Variants in UBE2E2 observed in about 807,000 individuals in gnomAD.
The protein encoded by UBE2E2 is ubiquitin conjugating enzyme E2 E2, also known as ubiquitin-conjugating enzyme E2 E2.
Under a neutral mutation model 24.7 loss-of-function variants are expected in UBE2E2, and 6 were observed. The ratio of observed to expected loss-of-function variants is 0.24; its 90% CI spans 0.13 to 0.48. The LOEUF (loss-of-function observed/expected upper bound fraction) is 0.48, where lower values mean the gene tolerates loss of function less well. Among genes scored for constraint, UBE2E2 ranks in the 20% least tolerant of loss-of-function variants. The pLI, the probability that UBE2E2 is intolerant of heterozygous loss-of-function variation, is 0.99. For synonymous variants in UBE2E2, 104 were observed against 83.6 expected, an observed-to-expected ratio of 1.24 and a Z score of -1.33; for missense variants, 169 against 245.0, an observed-to-expected ratio of 0.69 and a Z score of 2.07.
chr3:23,286,225 G>A (rs1698611870), intron 3 of UBE2E2, among the ~76,000 whole-genome samples: 1 of 151,992 alleles, frequency 6.6e-6, no homozygotes, highest in Non-Finnish European at 1.5e-5. Context: ...ATGCTTTCTG[G>A]GTATTACTCA....
At chr3:23,374,253 A>G (rs1389092617) in intron 3 of UBE2E2, among the ~76,000 whole-genome samples, 2 of 152,234 alleles carry the variant, frequency 1.3e-5, no homozygotes, top group Non-Finnish European at 2.9e-5. Flanking sequence ...TTTTAAAATC[A>G]TGTTAAATGT....
chr3:23,554,262 C>T (rs1242662843), intron 5 of UBE2E2, among the ~76,000 whole-genome samples: 3 of 152,094 alleles, frequency 2.0e-5, no homozygotes, highest in Non-Finnish European at 2.9e-5. Context: ...ATATGGGCAA[C>T]TAATTTTCAA....
chr3:23,544,256 C>G (rs1479770818), intron 5 of UBE2E2, among the ~76,000 whole-genome samples: 1 of 152,146 alleles, frequency 6.6e-6, no homozygotes, highest in Non-Finnish European at 1.5e-5. Context: ...AAATAATCCT[C>G]AGAGTAAACA....
At chr3:23,239,458 G>A (rs559357266) in intron 3 of UBE2E2, among the ~76,000 whole-genome samples, 6 of 151,752 alleles carry the variant, frequency 4.0e-5, no homozygotes, top group African/African-American at 1.5e-4. Context: ...CCAGCTTCTG[G>A]CAACCACGAA....
chr3:23,369,009 C>T (rs146757201), intron 3 of UBE2E2, among the ~76,000 whole-genome samples: 70 of 152,150 alleles, frequency 4.6e-4, no homozygotes, highest in African/African-American at 1.4e-3. Context: ...TTGAAATGAA[C>T]GAAATTTAGA....
At chr3:23,341,945 T>C (rs949197949) in intron 3 of UBE2E2, among the ~76,000 whole-genome samples, 2 of 152,194 alleles carry the variant, frequency 1.3e-5, no homozygotes, top group African/African-American at 2.4e-5. Context: ...TATGTATACA[T>C]AGTTCCATAT....
intron 3 of UBE2E2, among the ~76,000 whole-genome samples, chr3:23,495,084 C>T (rs1699574712): frequency 6.6e-6 from 1 of 152,150 alleles, no homozygotes; most frequent in African/African-American, 2.4e-5. Flanking sequence ...AAATACCAGT[C>T]TGTTTTCAAG....
At chr3:23,246,005 A>G (rs1697384611) in intron 3 of UBE2E2, among the ~76,000 whole-genome samples, 1 of 152,336 alleles carries the variant, frequency 6.6e-6, no homozygotes, top group Non-Finnish European at 1.5e-5. Context: ...ATAGCTACCC[A>G]TAAGTTGTTG....
intron 3 of UBE2E2, among the ~76,000 whole-genome samples, chr3:23,218,106 G>A (rs1175198447): frequency 6.6e-6 from 1 of 151,976 alleles, no homozygotes; most frequent in African/African-American, 2.4e-5. Context: ...GAAGGTGAGA[G>A]GGCCGATTAA....
At chr3:23,579,175 G>A (rs1696411432) in intron 5 of UBE2E2, among the ~76,000 whole-genome samples, 1 of 152,196 alleles carries the variant, frequency 6.6e-6, no homozygotes, top group Admixed American at 6.5e-5. Flanking sequence ...GGTGGATCAT[G>A]AGGTCAGGAG....
chr3:23,486,575 CCCA>C (rs2125446101), intron 3 of UBE2E2, among the ~76,000 whole-genome samples: 1 of 152,232 alleles, frequency 6.6e-6, no homozygotes, highest in East Asian at 1.9e-4. Context: ...CTGACCTGAC[CCCA>C]CCACTGCAGG....
chr3:23,346,103 G>A (rs536782987), intron 3 of UBE2E2, among the ~76,000 whole-genome samples: 9 of 152,098 alleles, frequency 5.9e-5, no homozygotes, highest in African/African-American at 1.4e-4. Context: ...TCTAGTTTTC[G>A]CCTTTCTTAA....
intron 4 of UBE2E2, among the ~76,000 whole-genome samples, chr3:23,505,368 A>C (rs1344146232): frequency 6.6e-6 from 1 of 152,172 alleles, no homozygotes; most frequent in Non-Finnish European, 1.5e-5. Flanking sequence ...TACATGACAT[A>C]AAAAATAAGT....
rs5847239 is a variant in UBE2E2 at position 23,556,454 on chromosome 3, T to TAA, written c.508+23770_508+23771dup. 3.3e-3 allele frequency among the ~76,000 whole-genome samples: 309 copies of TAA among 94,334 alleles called. 12 individuals are homozygous for TAA. The highest frequency in any genetic ancestry group is 0.013 in the African/African-American group (289 of 22,202). The allele number at this position is 94,334 out of a possible 152,430, so 61.9% of individuals were successfully genotyped here. On this transcript the variant is annotated intron_variant, in intron 5 of 5. Coordinates refer to ENST00000396703, the MANE Select transcript of UBE2E2 (RefSeq NM_152653.4). The stretch of plus-strand genomic sequence containing the variant: ...CCATGCCCAGCCAATAAAATTTATT[T>TAA]AAAAAAAAAAAAAAAAAAGCTATAC...
At chr3:23,206,576 G>A (rs1696153077) in intron 1 of UBE2E2, among the ~76,000 whole-genome samples, 1 of 152,082 alleles carries the variant, frequency 6.6e-6, no homozygotes, top group African/African-American at 2.4e-5. Flanking sequence ...GGAGCTGTTG[G>A]GGTTGAAGGG....
Position 23,217,252 on chromosome 3 carries a change from T to G in UBE2E2, c.177-10T>G. On this transcript the variant is annotated splice_polypyrimidine_tract_variant and intron_variant, in intron 2 of 5. Coordinates refer to ENST00000396703, the MANE Select transcript of UBE2E2 (RefSeq NM_152653.4). ...TTTTTAACATAATGTTCTTTGTCTT[T>G]ATTTTAAAGAATTCAGAAGGAACTT... is the stretch of plus-strand genomic sequence containing the variant. 1 of 1,610,794 alleles carries G rather than the reference T, an allele frequency of 6.2e-7. No homozygotes were observed. Among genetic ancestry groups the G allele is most frequent in the Non-Finnish European group, 8.5e-7 (1 of 1,177,474 alleles).
At chr3:23,297,292 G>C (rs1277996563) in intron 3 of UBE2E2, among the ~76,000 whole-genome samples, 1 of 151,710 alleles carries the variant, frequency 6.6e-6, no homozygotes, top group African/African-American at 2.4e-5. Context: ...TTCTTTTGCT[G>C]TGCAGAAGCT....
At chr3:23,395,870 T>A (rs1697061001) in intron 3 of UBE2E2, among the ~76,000 whole-genome samples, 2 of 152,186 alleles carry the variant, frequency 1.3e-5, no homozygotes, top group Non-Finnish European at 2.9e-5. Context: ...TATGTATGTA[T>A]TCAATTTGAT....
chr3:23,503,094 T>C (rs1054831528), intron 4 of UBE2E2, among the ~76,000 whole-genome samples: 1 of 152,180 alleles, frequency 6.6e-6, no homozygotes, highest in Non-Finnish European at 1.5e-5. Flanking sequence ...TGTAGACATA[T>C]GTTTTAATGT....
Sources: allele counts gnomAD v4.1 joint callset (sites outside exome capture counted in the v4.1 genomes callset), GRCh38; gene constraint gnomAD v4.1.1; transcripts MANE v1.5; gene names NCBI Gene and HGNC (gene_info 2026-07-23, HGNC 2026-07-21).